The following ELAC1 variants were observed in gnomAD, a reference collection of about 807,000 sequenced individuals.
ELAC1 encodes elaC ribonuclease Z 1.
Under a neutral mutation model 25.8 loss-of-function variants are expected in ELAC1, and 19 were observed. The ratio of observed to expected loss-of-function variants is 0.74; its 90% CI spans 0.51 to 1.08. The LOEUF (loss-of-function observed/expected upper bound fraction) is 1.08, where lower values mean the gene tolerates loss of function less well. ELAC1 is among the 50% of genes least tolerant of loss of function. The probability of loss-of-function intolerance (pLI) is 0.00; values close to 1 mark genes in which losing one functional copy is unlikely to be tolerated. For synonymous variants in ELAC1, 148 were observed against 160.9 expected, an observed-to-expected ratio of 0.92 and a Z score of 0.61; for missense variants, 403 against 434.6, an observed-to-expected ratio of 0.93 and a Z score of 0.65.
rs1908033745 is a variant in ELAC1 at position 50,984,158 on chromosome 18, C to T, written c.220C>T (p.Leu74Phe). 2 of 1,613,762 alleles carry T rather than the reference C, an allele frequency of 1.2e-6. No individual in the cohort carries two copies. The highest frequency in any genetic ancestry group is 1.7e-5 in the Admixed American group (1 of 59,892). ...AGACCATTTCTTTGGCCTTCCTGGGCTCCTCTGCACAATCAGCCTGCAGAG... is the reference window on the plus strand; with the variant it reads ...AGACCATTTCTTTGGCCTTCCTGGGTTCCTCTGCACAATCAGCCTGCAGAG... The part of the protein sequence containing the change: ...HGDHFFGLPG[L>F]LCTISLQSGS... The change falls in exon 3 of 4, where the codon CTC becomes TTC. Residue 74 changes from leucine to phenylalanine, a missense_variant. Coordinates refer to ENST00000269466, the MANE Select transcript of ELAC1 (RefSeq NM_018696.3).
intron 2 of ELAC1, among the ~76,000 whole-genome samples, chr18:50,979,579 A>G (rs753246326): frequency 7.2e-5 from 11 of 152,164 alleles, no homozygotes; most frequent in Non-Finnish European, 1.5e-4. Context: ...CTTGTGCCAT[A>G]TTCTGCTGGT....
rs374393803 is a variant in ELAC1 at position 50,974,881 on chromosome 18, C to T, written c.157+320C>T. Among the ~76,000 whole-genome samples, 26 of 152,110 alleles carry T rather than the reference C, an allele frequency of 1.7e-4. No homozygotes were observed. In the East Asian group the frequency reaches 4.6e-3, roughly 27 times the overall value. Reference sequence around the variant, plus strand: ...GCAAGGAAGCAGTGTACATACTTACCTCCACCAGGAGATAGTTTTCATGAG... The same window carrying T: ...GCAAGGAAGCAGTGTACATACTTACTTCCACCAGGAGATAGTTTTCATGAG... On this transcript the variant is annotated intron_variant, in intron 2 of 3. Coordinates refer to ENST00000269466, the MANE Select transcript of ELAC1 (RefSeq NM_018696.3).
chr18:50,969,668 G>A (rs538913309), intron 1 of ELAC1: 1 of 152,322 alleles, frequency 6.6e-6, no homozygotes, highest in South Asian at 2.1e-4. Flanking sequence ...TGCCTAATGG[G>A]GTACTCCCAT....
In ELAC1 at chr18:50,968,687, A is replaced by T. The variant is rs184186819; in HGVS notation, c.-9+573A>T. The T allele has an allele frequency of 1.3e-5, 2 of 152,348 alleles. 1 individual carries two copies. Among genetic ancestry groups the T allele is most frequent in the Admixed American group, 1.3e-4 (2 of 15,308 alleles). The allele number at this position is 152,348 out of a possible 1,614,324, so 9.4% of individuals were successfully genotyped here. On this transcript the variant is annotated intron_variant, in intron 1 of 3. Transcript: ENST00000269466. Reference sequence around the variant, plus strand: ...GGAATATGCACTTCGCCGAACGTGGATCACAGTCTTGAGAAAGCAAGCAGC... The same window carrying T: ...GGAATATGCACTTCGCCGAACGTGGTTCACAGTCTTGAGAAAGCAAGCAGC...
At chr18:50,969,982 TTTTTA>T (rs1907609330) in intron 1 of ELAC1, 2 of 152,328 alleles carry the variant, frequency 1.3e-5, no homozygotes, top group East Asian at 1.9e-4. Flanking sequence ...AGGAGAAGGC[TTTTTA>T]TTTTATTTAT....
chr18:50,980,624 G>A (rs186583197), intron 2 of ELAC1, among the ~76,000 whole-genome samples: 16 of 151,730 alleles, frequency 1.1e-4, no homozygotes, highest in Admixed American at 5.3e-4. Flanking sequence ...TTAGCTGGGC[G>A]TGGTGGCGGG....
rs966126357 is a variant in ELAC1 at position 50,984,414 on chromosome 18, A to T, written c.476A>T (p.Asp159Val). The stretch of plus-strand genomic sequence containing the variant: ...GAACAAGGAAGAACTATCCTGTTAG[A>T]CTCAGAAGAAAACTCATACCTTCTG... ...KEEQGRTILL[D>V]SEENSYLLFD... is the part of the protein sequence containing the mutation. The change falls in exon 3 of 4, where the codon GAC becomes GTC. Residue 159 changes from aspartate (D) to valine (V), a missense_variant. Physicochemically the swap from Asp to Val is radical, Grantham distance 152 (BLOSUM62 -3). Coordinates refer to ENST00000269466, the MANE Select transcript of ELAC1 (RefSeq NM_018696.3). The T allele has an allele frequency of 6.2e-7, 1 of 1,614,046 alleles. No homozygotes were observed. Among genetic ancestry groups the T allele is most frequent in the Admixed American group, 1.7e-5 (1 of 60,002 alleles).
rs1908116907 is a variant in ELAC1 at position 50,986,717 on chromosome 18, C to G, written c.724C>G (p.Pro242Ala). The change falls in exon 4 of 4, where the codon CCT (proline) becomes GCT (alanine). Residue 242 changes from proline (P) to alanine (A), a missense_variant. Physicochemically the swap from Pro to Ala is conservative, Grantham distance 27. Transcript: ENST00000269466. Reference sequence around the variant, plus strand: ...TTCTCCCCAAGATGTCTTAAAAAAGCCTATTGTTGGAAGAAAAATCTGCAT... The same window carrying G: ...TTCTCCCCAAGATGTCTTAAAAAAGGCTATTGTTGGAAGAAAAATCTGCAT... ...TISPQDVLKK[P>A]IVGRKICILG... 6.2e-7 allele frequency: 1 copy of G among 1,614,050 alleles called. No individual in the cohort carries two copies. Among genetic ancestry groups the G allele is most frequent in the African/African-American group, 1.3e-5 (1 of 74,992 alleles).
chr18:50,982,236 A>G (rs537402148), intron 2 of ELAC1, among the ~76,000 whole-genome samples: 2 of 152,290 alleles, frequency 1.3e-5, no homozygotes, highest in East Asian at 3.9e-4. Flanking sequence ...GAAATGAGGA[A>G]TTCAGGCAGT....
intron 2 of ELAC1, 30 bp downstream of exon 2, chr18:50,974,591 A>G (rs557713279): frequency 1.9e-6 from 3 of 1,609,738 alleles, no homozygotes; most frequent in South Asian, 2.2e-5. Context: ...TCTCATTAAG[A>G]TTTTTTTGTT....
intron 2 of ELAC1, 98 bp from the exon 3 acceptor site, chr18:50,983,998 A>G (rs953239774): frequency 1.5e-6 from 1 of 687,024 alleles, no homozygotes; most frequent in African/African-American, 1.8e-5. Flanking sequence ...TCAATTTACT[A>G]TTTTTAATGT....
At chr18:50,977,399 G>A (rs905369420) in intron 2 of ELAC1, among the ~76,000 whole-genome samples, 9 of 152,162 alleles carry the variant, frequency 5.9e-5, no homozygotes, top group Non-Finnish European at 7.3e-5. Context: ...CTGTGCACCC[G>A]CAGGCCCAAC....
At chr18:50,975,635 A>G (rs1318765537) in intron 2 of ELAC1, among the ~76,000 whole-genome samples, 1 of 151,862 alleles carries the variant, frequency 6.6e-6, no homozygotes, top group Non-Finnish European at 1.5e-5. Context: ...CCTCTCACTT[A>G]TTAGGTCTTG....
chr18:50,984,117 T>C lies in ELAC1; in HGVS notation c.179T>C (p.Ile60Thr). 1 of 1,594,710 alleles carries C rather than the reference T, an allele frequency of 6.3e-7. No homozygotes were observed. The highest frequency in any genetic ancestry group is 8.5e-7 in the Non-Finnish European group (1 of 1,172,418). The change falls in exon 3 of 4, where the codon ATC (isoleucine) becomes ACC (threonine). Residue 60 changes from isoleucine (I) to threonine (T), a missense_variant. By Grantham distance (89) the Ile-to-Thr change is moderately conservative. Transcript: ENST00000269466. ...LKAGRITKIFITHLHGDHFFG... is the reference protein window; with the variant it reads ...LKAGRITKIFTTHLHGDHFFG... ...AAAGGGAGAATTACCAAGATCTTCA[T>C]CACACACCTTCATGGAGACCATTTC...
chr18:50,976,045 C>T lies in ELAC1; in HGVS notation c.157+1484C>T, dbSNP rs181426686. On this transcript the variant is annotated intron_variant, in intron 2 of 3. Transcript: ENST00000269466. The stretch of plus-strand genomic sequence containing the variant: ...ATGTTGGGGAGCATTGAGTACTTGG[C>T]TAGGCTAGATGGAACTAAGAATGCT... Among the ~76,000 whole-genome samples, 6 of 152,254 alleles carry T rather than the reference C, an allele frequency of 3.9e-5. No individual in the cohort carries two copies. In the East Asian group the frequency reaches 9.7e-4, roughly 25 times the overall value.
At chr18:50,976,904 CA>C (rs1461570980) in intron 2 of ELAC1, among the ~76,000 whole-genome samples, 4 of 152,116 alleles carry the variant, frequency 2.6e-5, no homozygotes, top group African/African-American at 9.7e-5. Context: ...AGAAATTGGC[CA>C]AAACAAAGGG....
At chr18:50,971,617 A>G (rs1022771823) in intron 1 of ELAC1, among the ~76,000 whole-genome samples, 1 of 151,454 alleles carries the variant, frequency 6.6e-6, no homozygotes, top group Non-Finnish European at 1.5e-5. Flanking sequence ...CTGGTCTCAA[A>G]CTCCTGGGCT....
chr18:50,979,313 A>T (rs1465457977), intron 2 of ELAC1, among the ~76,000 whole-genome samples: 2 of 152,134 alleles, frequency 1.3e-5, no homozygotes, highest in Admixed American at 1.3e-4. Flanking sequence ...CTAGGCTGCA[A>T]TCTAGGTGTT....
intron 2 of ELAC1, among the ~76,000 whole-genome samples, chr18:50,979,065 G>T (rs1226911041): frequency 1.3e-5 from 2 of 152,218 alleles, no homozygotes; most frequent in Admixed American, 6.5e-5. Flanking sequence ...TTAGACAGTA[G>T]GAGTTGAGGT....
Sources: gnomAD v4.1 joint callset for allele counts (sites outside exome capture counted in the v4.1 genomes callset) on GRCh38, gnomAD v4.1.1 for gene constraint, MANE v1.5 for transcripts, NCBI Gene and HGNC (gene_info 2026-07-23, HGNC 2026-07-21) for gene names.